CSMD1: variants seen among roughly 807,000 people sequenced by gnomAD.
The protein encoded by CSMD1 is CUB and Sushi multiple domains 1.
CSMD1 carries 213 observed loss-of-function variants against 417.5 expected under a neutral mutation model. That is an observed-to-expected ratio of 0.51 (90% CI 0.46 to 0.57). CSMD1 has a LOEUF of 0.57. Ranked by LOEUF, CSMD1 falls within the 20% of genes least tolerant of loss-of-function variation. The pLI, the probability that CSMD1 is intolerant of heterozygous loss-of-function variation, is 0.00. For missense variants in CSMD1, 6,923 were observed against 4,529.7 expected, an observed-to-expected ratio of 1.53 and a Z score of -15.17; for synonymous variants, 2,862 against 1,736.8, an observed-to-expected ratio of 1.65 and a Z score of -16.11.
chr8:3,122,708 T>C (rs754524737), intron 41 of CSMD1, among the ~76,000 whole-genome samples: 6 of 152,152 alleles, frequency 3.9e-5, no homozygotes, highest in African/African-American at 1.2e-4. Flanking sequence ...GCTGCCGCCA[T>C]GTAAGAAGTG....
At chr8:3,227,232 C>G (rs756748091) in intron 27 of CSMD1, among the ~76,000 whole-genome samples, 1 of 152,014 alleles carries the variant, frequency 6.6e-6, no homozygotes, top group Non-Finnish European at 1.5e-5. Flanking sequence ...AAACCCATCT[C>G]TACTAAAAAT....
intron 3 of CSMD1, among the ~76,000 whole-genome samples, chr8:4,416,311 T>C (rs1018702338): frequency 2.0e-5 from 3 of 152,150 alleles, no homozygotes; most frequent in African/African-American, 7.2e-5. Context: ...AACCTTGTTT[T>C]ACTTATAAAA....
intron 3 of CSMD1, among the ~76,000 whole-genome samples, chr8:4,089,350 C>T (rs1244735997): frequency 6.6e-6 from 1 of 152,168 alleles, no homozygotes; most frequent in African/African-American, 2.4e-5. Context: ...GGGGAAAGCA[C>T]AGGCTTTCAC....
Position 4,421,484 on chromosome 8 carries a change from G to A in CSMD1, c.303-1419C>T, listed in dbSNP as rs571408527. On this transcript the variant is annotated intron_variant, in intron 2 of 69. Transcript: ENST00000635120. ...AAATAACTGAAATCATATAGCGTGT[G>A]TTCTCTGACCACACAGTGGAATCAA... Among the ~76,000 whole-genome samples, 5 of 152,188 alleles carry A rather than the reference G, an allele frequency of 3.3e-5. No individual in the cohort carries two copies. The South Asian group carries it at 1.0e-3, about 32-fold the overall frequency.
At chr8:3,273,361 A>G (rs890048602) in intron 26 of CSMD1, among the ~76,000 whole-genome samples, 2 of 152,108 alleles carry the variant, frequency 1.3e-5, no homozygotes, top group African/African-American at 2.4e-5. Context: ...TTTTTACATC[A>G]ATGTTCATCA....
At chr8:3,014,036 A>T (rs1316334751) in intron 52 of CSMD1, among the ~76,000 whole-genome samples, 1 of 152,058 alleles carries the variant, frequency 6.6e-6, no homozygotes, top group East Asian at 1.9e-4. Flanking sequence ...CCTCATATAC[A>T]TTGCAATTAT....
chr8:4,644,120 G>T (rs992217368), intron 1 of CSMD1, among the ~76,000 whole-genome samples: 1 of 152,190 alleles, frequency 6.6e-6, no homozygotes, highest in African/African-American at 2.4e-5. Flanking sequence ...CATGAGCAAG[G>T]CCTTGAAGGG....
At chr8:4,368,320 G>C (rs113191697) in intron 3 of CSMD1, among the ~76,000 whole-genome samples, 1,668 of 152,202 alleles carry the variant, frequency 0.011, 31 homozygotes, top group African/African-American at 0.037. Flanking sequence ...ACCAACTTTA[G>C]ATCACAGGTA....
intron 25 of CSMD1, among the ~76,000 whole-genome samples, chr8:3,293,762 C>T (rs938275914): frequency 2.6e-5 from 4 of 152,128 alleles, no homozygotes; most frequent in African/African-American, 9.7e-5. Context: ...ACTTCTTTGC[C>T]ATGGGTTCAA....
At chr8:3,809,065 G>T (rs904683165) in intron 5 of CSMD1, among the ~76,000 whole-genome samples, 3 of 152,108 alleles carry the variant, frequency 2.0e-5, no homozygotes, top group African/African-American at 7.2e-5. Context: ...AGCCCCTGGG[G>T]AATCACGCAG....
chr8:4,361,150 T>C (rs538527454), intron 3 of CSMD1, among the ~76,000 whole-genome samples: 163 of 152,314 alleles, frequency 1.1e-3, no homozygotes, highest in African/African-American at 3.9e-3. Flanking sequence ...AGCTTTATCA[T>C]TTGTAGAATG....
intron 49 of CSMD1, among the ~76,000 whole-genome samples, chr8:3,069,591 C>G (rs1001655558): frequency 6.6e-6 from 1 of 152,176 alleles, no homozygotes; most frequent in Non-Finnish European, 1.5e-5. Context: ...TTTCGCAAGG[C>G]CTTGGGCAGC....
chr8:3,696,617 G>A (rs1800568939), intron 7 of CSMD1, among the ~76,000 whole-genome samples: 1 of 152,310 alleles, frequency 6.6e-6, no homozygotes, highest in African/African-American at 2.4e-5. Context: ...CGCTTTGGAA[G>A]ATTGAAACGT....
At chr8:4,086,653 T>G (rs966079878) in intron 3 of CSMD1, among the ~76,000 whole-genome samples, 4 of 152,224 alleles carry the variant, frequency 2.6e-5, no homozygotes, top group Non-Finnish European at 4.4e-5. Flanking sequence ...AGCGATTTCA[T>G]TCTTTCTCAT....
chr8:4,724,520 ATGTGTGTGTGTGTGTGTGTG>A lies in CSMD1; in HGVS notation c.86-86982_86-86963del, dbSNP rs66498850. On this transcript the variant is annotated intron_variant, in intron 1 of 69. Transcript: ENST00000635120. ...TAATATAGTAGCTCTTTATATATAT[ATGTGTGTGTGTGTGTGTGTG>A]TGTGTGTGTGTGTGTGTGTGTGTTT... Among the ~76,000 whole-genome samples the A allele has an allele frequency of 3.3e-4, 48 of 145,306 alleles. 1 individual carries two copies. Among genetic ancestry groups the A allele is most frequent in the Admixed American group, 2.0e-3 (29 of 14,596 alleles).
intron 3 of CSMD1, among the ~76,000 whole-genome samples, chr8:4,156,447 C>A: frequency 6.6e-6 from 1 of 152,126 alleles, no homozygotes; most frequent in East Asian, 1.9e-4. Flanking sequence ...GATAAATATG[C>A]TATTGGTGCT....
chr8:2,955,836 T>C (rs982694137), intron 63 of CSMD1, 68 bp from the exon 64 acceptor site: 2 of 1,416,606 alleles, frequency 1.4e-6, no homozygotes, highest in Non-Finnish European at 2.0e-6. Context: ...CTAGAGAAAT[T>C]AATAGATTAA....
At position 3,005,685 on chromosome 8, in the gene CSMD1, G is replaced by A. The variant is rs193081637; in HGVS notation, c.8030-5554C>T. Among the ~76,000 whole-genome samples the A allele has an allele frequency of 1.9e-4, 29 of 152,158 alleles. No homozygotes were observed. In the East Asian group the frequency reaches 2.5e-3, roughly 13 times the overall value. Reference sequence around the variant, plus strand: ...AAGACAAAAACCACATGATTATCTCGATAGATGCAGAAAAGGCCTTTGACA... The same window carrying A: ...AAGACAAAAACCACATGATTATCTCAATAGATGCAGAAAAGGCCTTTGACA... On this transcript the variant is annotated intron_variant, in intron 52 of 69. Coordinates refer to ENST00000635120, the MANE Select transcript of CSMD1 (RefSeq NM_033225.6).
intron 3 of CSMD1, among the ~76,000 whole-genome samples, chr8:4,229,128 C>G (rs1007560841): frequency 1.3e-5 from 2 of 152,348 alleles, no homozygotes; most frequent in African/African-American, 4.8e-5. Flanking sequence ...TCCCAGCTTG[C>G]TAGAGAATAA....
Sources: gnomAD v4.1 joint callset for allele counts (sites outside exome capture counted in the v4.1 genomes callset) on GRCh38, gnomAD v4.1.1 for gene constraint, MANE v1.5 for transcripts, NCBI Gene and HGNC (gene_info 2026-07-23, HGNC 2026-07-21) for gene names.